CCNY: variants seen among roughly 807,000 people sequenced by gnomAD.
CCNY encodes cyclin Y.
Under a neutral mutation model 42.8 loss-of-function variants are expected in CCNY, and 19 were observed. That is an observed-to-expected ratio of 0.44 (90% CI 0.31 to 0.65). The LOEUF is 0.65. Ranked by LOEUF, CCNY falls within the 30% of genes least tolerant of loss-of-function variation. The pLI is 0.07. For missense variants in CCNY, 370 were observed against 437.3 expected (o/e 0.85, Z 1.37); for synonymous variants, 165 against 162.7 (o/e 1.01, Z -0.11).
chr10:35,557,108 T>G (rs1424723951), intron 8 of CCNY, among the ~76,000 whole-genome samples: 2 of 152,140 alleles, frequency 1.3e-5, no homozygotes, highest in Non-Finnish European at 2.9e-5. Context: ...GGCCTTAATT[T>G]GAAAATTTTT....
intron 3 of CCNY, among the ~76,000 whole-genome samples, chr10:35,252,565 C>CAA (rs755376669): frequency 6.0e-4 from 13 of 21,498 alleles, no homozygotes; most frequent in East Asian, 1.3e-3. Flanking sequence ...GACTCCGTCT[C>CAA]AAAAAAAAAA....
chr10:35,359,350 CT>C (rs1227373685), intron 1 of CCNY, among the ~76,000 whole-genome samples: 4 of 152,160 alleles, frequency 2.6e-5, no homozygotes, highest in Non-Finnish European at 4.4e-5. Context: ...CTGGTTCAGG[CT>C]CTCCCTGTAC....
intron 1 of CCNY, among the ~76,000 whole-genome samples, chr10:35,361,006 G>T (rs188170203): frequency 6.6e-6 from 1 of 151,798 alleles, no homozygotes; most frequent in East Asian, 1.9e-4. Flanking sequence ...GATTACAGAC[G>T]CCCACCACCA....
chr10:35,517,207 G>A (rs1392154995), intron 4 of CCNY, among the ~76,000 whole-genome samples: 7 of 152,152 alleles, frequency 4.6e-5, no homozygotes, highest in African/African-American at 7.2e-5. Flanking sequence ...GTTTATAAGG[G>A]AGGAAGGAAG....
At chr10:35,514,075 CAAAAAAAAAAAAA>C (rs11451104) in intron 3 of CCNY, among the ~76,000 whole-genome samples, 1 of 76,182 alleles carries the variant, frequency 1.3e-5, no homozygotes, top group Non-Finnish European at 2.5e-5. Context: ...AGGACCAGTT[CAAAAAAAAAAAAA>C]AAAAAAAAAC....
intron 1 of CCNY, among the ~76,000 whole-genome samples, chr10:35,420,330 G>A (rs552754810): frequency 3.3e-5 from 5 of 152,100 alleles, no homozygotes; most frequent in African/African-American, 4.8e-5. Flanking sequence ...AGTGGGATCC[G>A]ACCCCAGTGG....
At chr10:35,499,085 G>A (rs988738586) in intron 2 of CCNY, among the ~76,000 whole-genome samples, 16 of 152,068 alleles carry the variant, frequency 1.1e-4, no homozygotes, top group Admixed American at 3.9e-4. Flanking sequence ...GGACAAAAAT[G>A]GCATATGTGT....
chr10:35,354,700 G>A (rs910865720), intron 1 of CCNY, among the ~76,000 whole-genome samples: 1 of 152,130 alleles, frequency 6.6e-6, no homozygotes, highest in Non-Finnish European at 1.5e-5. Flanking sequence ...ACTGACTTCC[G>A]CAAAACAGAC....
At chr10:35,464,141 C>G (rs1311049117) in intron 1 of CCNY, among the ~76,000 whole-genome samples, 3 of 152,152 alleles carry the variant, frequency 2.0e-5, no homozygotes, top group Admixed American at 2.0e-4. Context: ...TAGGTTAAAC[C>G]CAGCAGCATA....
chr10:35,445,969 T>C (rs532766415), intron 1 of CCNY, among the ~76,000 whole-genome samples: 44 of 152,324 alleles, frequency 2.9e-4, no homozygotes, highest in African/African-American at 1.1e-3. Flanking sequence ...TCGTGGTCTT[T>C]AGGCTTCGTT....
intron 1 of CCNY, among the ~76,000 whole-genome samples, chr10:35,339,877 A>T (rs1836135495): frequency 6.6e-6 from 1 of 152,186 alleles, no homozygotes; most frequent in Non-Finnish European, 1.5e-5. Flanking sequence ...TTTGAAATTG[A>T]TATTGGACTC....
chr10:35,492,591 C>T (rs1018611050), intron 2 of CCNY, among the ~76,000 whole-genome samples: 1 of 152,160 alleles, frequency 6.6e-6, no homozygotes, highest in Non-Finnish European at 1.5e-5. Context: ...AAATAGCTTT[C>T]TGTTTATCTG....
At chr10:35,315,120 T>C (rs1835739640) in intron 3 of CCNY, 1 of 152,098 alleles carries the variant, frequency 6.6e-6, no homozygotes, top group Admixed American at 6.6e-5. Context: ...TTTAAAAAAC[T>C]TTTAGTTTCA....
At chr10:35,313,452 C>T (rs1188702862) in intron 3 of CCNY, among the ~76,000 whole-genome samples, 1 of 152,146 alleles carries the variant, frequency 6.6e-6, no homozygotes, top group Non-Finnish European at 1.5e-5. Flanking sequence ...TGTCACTTCC[C>T]CGAGTTTGCG....
rs543348395 is a variant in CCNY at position 35,283,703 on chromosome 10, G to A, written c.-9+33077G>A. ...CAGGCGTGAGCCACTGCGCCCAGCC[G>A]GTAAGAACAGTTTTGATGGTAGGTA... On this transcript the variant is annotated intron_variant, in intron 3 of 11. Coordinates refer to the CCNY transcript ENST00000374706. Among the ~76,000 whole-genome samples, 65 of 152,142 alleles carry A rather than the reference G, an allele frequency of 4.3e-4. No homozygotes were observed. In the South Asian group the frequency reaches 0.011, roughly 26 times the overall value.
chr10:35,474,496 C>T (rs1839461785), intron 1 of CCNY, among the ~76,000 whole-genome samples: 1 of 152,168 alleles, frequency 6.6e-6, no homozygotes, highest in East Asian at 1.9e-4. Flanking sequence ...ACCCCTGACC[C>T]CCGAGCAGCC....
intron 7 of CCNY, among the ~76,000 whole-genome samples, chr10:35,541,936 T>A (rs1323313447): frequency 2.7e-5 from 4 of 150,092 alleles, no homozygotes; most frequent in Admixed American, 2.7e-4. Flanking sequence ...TGTGTCTAGT[T>A]GTCGTTACCC....
chr10:35,291,074 C>T (rs1248637546), intron 3 of CCNY, among the ~76,000 whole-genome samples: 3 of 151,638 alleles, frequency 2.0e-5, no homozygotes, highest in Non-Finnish European at 4.4e-5. Context: ...GGTGCAATCT[C>T]GGCTCACTGC....
At chr10:35,375,356 A>G (rs570414115) in intron 1 of CCNY, among the ~76,000 whole-genome samples, 174 of 152,238 alleles carry the variant, frequency 1.1e-3, no homozygotes, top group Non-Finnish European at 2.2e-3. Flanking sequence ...GCAGTGGTAG[A>G]TGGAGTTCTC....
Sources: gnomAD v4.1 joint callset for allele counts (sites outside exome capture counted in the v4.1 genomes callset) on GRCh38, gnomAD v4.1.1 for gene constraint, MANE v1.5 for transcripts, NCBI Gene and HGNC (gene_info 2026-07-23, HGNC 2026-07-21) for gene names.